The following INPP4B variants were observed in gnomAD, a reference collection of about 807,000 sequenced individuals.
The protein encoded by INPP4B is inositol polyphosphate 4-phosphatase type II.
Under a neutral mutation model 122.5 loss-of-function variants are expected in INPP4B, and 55 were observed. The observed-to-expected ratio is 0.45, with a 90% CI of 0.36 to 0.56. INPP4B has a LOEUF of 0.56. INPP4B is among the 20% of genes least tolerant of loss of function. The pLI is 0.00. For missense variants in INPP4B, 1,000 were observed against 1,097.7 expected (o/e 0.91, Z 1.26); for synonymous variants, 403 against 388.7 (o/e 1.04, Z -0.43).
chr4:142,030,056 A>G (rs1738820302), intron 25 of INPP4B: 3 of 1,391,444 alleles, frequency 2.2e-6, no homozygotes. Context: ...ATGTAAAAAT[A>G]TTACAGCATT....
At position 142,028,060 on chromosome 4, in the gene INPP4B, T is replaced by TATC. The variant is rs75809183; in HGVS notation, c.*719_*721dup. ...TTTTAGATCATTGCAGTGTTTTGCTTATCATTCTATTAAACGTTCTATATT... is the reference window on the plus strand; with the variant it reads ...TTTTAGATCATTGCAGTGTTTTGCTTATCATCATTCTATTAAACGTTCTATATT... On this transcript the variant is annotated 3_prime_UTR_variant, in exon 26 of 26. Coordinates refer to ENST00000262992, the MANE Select transcript of INPP4B (RefSeq NM_001101669.3). 0.033 allele frequency: 7,397 copies of TATC among 221,640 alleles called. 172 individuals carry two copies. The highest frequency in any genetic ancestry group is 0.045 in the Non-Finnish European group (5,020 of 110,650). The allele number at this position is 221,640 out of a possible 1,614,324, so 13.7% of individuals were successfully genotyped here. A position where few individuals can be genotyped will look rare whatever the true frequency, so the allele number is the denominator to read the frequency against.
At chr4:142,368,045 T>G (rs1445971844) in intron 7 of INPP4B, among the ~76,000 whole-genome samples, 3 of 152,192 alleles carry the variant, frequency 2.0e-5, no homozygotes, top group African/African-American at 7.2e-5. Context: ...AAGTAACTTT[T>G]CTACTAAGCC....
chr4:142,749,203 TTTA>T (rs1433452757), intron 1 of INPP4B, among the ~76,000 whole-genome samples: 1 of 147,258 alleles, frequency 6.8e-6, no homozygotes, highest in Non-Finnish European at 1.5e-5. Context: ...ATATATTATG[TTTA>T]TTATGTCTCA....
intron 2 of INPP4B, among the ~76,000 whole-genome samples, chr4:142,475,926 G>T (rs1560701064): frequency 6.6e-6 from 1 of 152,128 alleles, no homozygotes; most frequent in Non-Finnish European, 1.5e-5. Context: ...AACATTTGAG[G>T]ATATCATTCA....
chr4:142,749,871 T>TCAAA (rs10637586), intron 1 of INPP4B, among the ~76,000 whole-genome samples: 56,780 of 151,286 alleles, frequency 0.38, 10,906 homozygotes, highest in South Asian at 0.48. Context: ...AGAAAATAAA[T>TCAAA]CAATTATAAA....
chr4:142,707,352 A>G (rs1468778697), intron 2 of INPP4B, among the ~76,000 whole-genome samples: 2 of 152,156 alleles, frequency 1.3e-5, no homozygotes, highest in African/African-American at 4.8e-5. Context: ...GTGCCATCCC[A>G]TTAATTATTT....
At chr4:142,584,277 T>C (rs1473739826) in intron 2 of INPP4B, among the ~76,000 whole-genome samples, 2 of 152,156 alleles carry the variant, frequency 1.3e-5, no homozygotes, top group Non-Finnish European at 2.9e-5. Flanking sequence ...CATATTTCAT[T>C]CATATGGCTC....
chr4:142,640,670 AG>A (rs1300415421), intron 2 of INPP4B, among the ~76,000 whole-genome samples: 4 of 152,078 alleles, frequency 2.6e-5, no homozygotes, highest in African/African-American at 9.7e-5. Flanking sequence ...TAAAGAGGCA[AG>A]TCAGAAAGCT....
At chr4:142,511,814 T>A (rs941594273) in intron 2 of INPP4B, among the ~76,000 whole-genome samples, 2 of 152,156 alleles carry the variant, frequency 1.3e-5, no homozygotes, top group Non-Finnish European at 2.9e-5. Context: ...AATATTTGCA[T>A]ATATTTTCAT....
At chr4:142,097,228 T>TA (rs1782264654) in intron 23 of INPP4B, among the ~76,000 whole-genome samples, 3 of 142,206 alleles carry the variant, frequency 2.1e-5, no homozygotes, top group African/African-American at 8.1e-5. Context: ...TATGTTATTT[T>TA]TATTTTATTT....
At chr4:142,306,229 G>GTTT (rs5862582) in intron 8 of INPP4B, among the ~76,000 whole-genome samples, 15 of 135,904 alleles carry the variant, frequency 1.1e-4, no homozygotes, top group Non-Finnish European at 8.0e-5. Context: ...ACTCCAAATT[G>GTTT]TTTTTTTTTT....
In INPP4B at chr4:142,208,497, C is replaced by T; in HGVS notation, c.1000G>A (p.Glu334Lys). The change falls in exon 14 of 26, where the codon GAG becomes AAG. Residue 334 changes from glutamate to lysine, a missense_variant. Glu to Lys is a moderately conservative substitution (Grantham distance 56, BLOSUM62 1). Transcript: ENST00000262992. ...SSFKSSSSKG[E>K]KTLEFVPINL... Reference sequence around the variant, plus strand: ...ATTGGAACAAATTCTAATGTTTTCTCTCCTTTGCTGCTGCTTGATTTGAAA... The same window carrying T: ...ATTGGAACAAATTCTAATGTTTTCTTTCCTTTGCTGCTGCTTGATTTGAAA... 6.2e-7 allele frequency: 1 copy of T among 1,600,700 alleles called. No homozygotes were observed. The highest frequency in any genetic ancestry group is 1.1e-5 in the South Asian group (1 of 89,196).
intron 25 of INPP4B, among the ~76,000 whole-genome samples, chr4:142,066,712 G>A (rs1047371982): frequency 1.3e-5 from 2 of 152,208 alleles, no homozygotes; most frequent in African/African-American, 4.8e-5. Flanking sequence ...CACCCACAGA[G>A]CCTCACTCAT....
intron 2 of INPP4B, among the ~76,000 whole-genome samples, chr4:142,640,531 T>C (rs1750157082): frequency 6.6e-6 from 1 of 152,014 alleles, no homozygotes; most frequent in Non-Finnish European, 1.5e-5. Context: ...TAAAATATAA[T>C]ATACAGGGAT....
chr4:142,261,403 G>T (rs1390568946), intron 10 of INPP4B, among the ~76,000 whole-genome samples: 3 of 152,324 alleles, frequency 2.0e-5, no homozygotes, highest in Non-Finnish European at 4.4e-5. Context: ...ATATGGGGGT[G>T]TGAGTGGGGA....
chr4:142,074,713 A>AACTAGATC (rs1320941313), intron 25 of INPP4B, among the ~76,000 whole-genome samples: 3 of 152,120 alleles, frequency 2.0e-5, no homozygotes, highest in Non-Finnish European at 4.4e-5. Context: ...AAAAGAAGAT[A>AACTAGATC]ACTAGATCTA....
At chr4:142,133,567 C>T (rs1802409662) in intron 18 of INPP4B, among the ~76,000 whole-genome samples, 1 of 152,134 alleles carries the variant, frequency 6.6e-6, no homozygotes, top group Admixed American at 6.6e-5. Context: ...TCAGGTTAAT[C>T]CTCTTGTTCA....
chr4:142,700,840 G>T (rs2150756231), intron 2 of INPP4B, among the ~76,000 whole-genome samples: 1 of 151,832 alleles, frequency 6.6e-6, no homozygotes, highest in East Asian at 1.9e-4. Context: ...AAACTATCTG[G>T]GCCAAGGATT....
At chr4:142,654,339 G>A (rs1414014209) in intron 2 of INPP4B, among the ~76,000 whole-genome samples, 4 of 136,090 alleles carry the variant, frequency 2.9e-5, no homozygotes, top group African/African-American at 1.1e-4. Flanking sequence ...ACTGCACATT[G>A]TGCACTTGTA....
Sources: allele counts gnomAD v4.1 joint callset (sites outside exome capture counted in the v4.1 genomes callset), GRCh38; gene constraint gnomAD v4.1.1; transcripts MANE v1.5; gene names NCBI Gene and HGNC (gene_info 2026-07-23, HGNC 2026-07-21).